Variants in SERINC3 observed in about 807,000 individuals in gnomAD.
SERINC3 encodes serine incorporator 3, also known as tumor differentially expressed protein 1.
A neutral mutation model predicts 52.1 loss-of-function variants in SERINC3; 22 were observed. That is an observed-to-expected ratio of 0.42 (90% confidence interval 0.30 to 0.60). The LOEUF is 0.60. SERINC3 is among the 20% of genes least tolerant of loss of function. The pLI is 0.16. For synonymous variants in SERINC3, 226 were observed against 212.7 expected (o/e 1.06, Z -0.54); for missense variants, 564 against 584.6 (o/e 0.96, Z 0.36).
intron 7 of SERINC3, 106 bp from the exon 8 acceptor site, chr20:44,504,101 G>T: frequency 2.3e-6 from 2 of 888,450 alleles, no homozygotes; most frequent in Non-Finnish European, 1.7e-6. Context: ...TGAAACATGG[G>T]AATGCTTTAC....
rs2064256565 is a variant in SERINC3 at position 44,497,792 on chromosome 20, C to T, written c.*2504G>A. ...TAACTGAGCCTGTCCCCTCTGTGTT[C>T]CTCTGTCTAATTCTGTAACAAAATC... is the stretch of plus-strand genomic sequence containing the variant. On this transcript the variant is annotated 3_prime_UTR_variant, in exon 10 of 10. Transcript: ENST00000342374. The T allele has an allele frequency of 6.6e-6, 1 of 152,206 alleles. No homozygotes were observed. The highest frequency in any genetic ancestry group is 2.1e-4 in the South Asian group (1 of 4,834). 9.4% of individuals were successfully genotyped at this position (152,206 alleles called of 1,614,324 possible).
intron 6 of SERINC3, among the ~76,000 whole-genome samples, 195 bp from the exon 7 acceptor site, chr20:44,505,086 A>G (rs905884036): frequency 2.6e-5 from 4 of 152,214 alleles, no homozygotes; most frequent in Non-Finnish European, 4.4e-5. Context: ...AGCAAGTACT[A>G]CTGGTTCTCA....
At position 44,510,070 on chromosome 20, in the gene SERINC3, T is replaced by C. The variant is rs201200655; in HGVS notation, c.476-42A>G. 9.7e-5 allele frequency: 154 copies of C among 1,591,720 alleles called. No homozygotes were observed. In the African/African-American group the frequency reaches 1.9e-3, roughly 19 times the overall value. ...AACAAAGTTATTCTCTACCATAGAG[T>C]AACATTTCAGAAGATCCAACATTCT... On this transcript the variant is annotated intron_variant, in intron 4 of 9. Coordinates refer to ENST00000342374, the MANE Select transcript of SERINC3 (RefSeq NM_006811.4).
At chr20:44,512,417 T>TA (rs1402732365) in intron 3 of SERINC3, among the ~76,000 whole-genome samples, 1 of 151,130 alleles carries the variant, frequency 6.6e-6, no homozygotes, top group African/African-American at 2.4e-5. Context: ...CAGTAGCACA[T>TA]ATATATTCAC....
chr20:44,513,706 T>C (rs148413955), intron 2 of SERINC3, among the ~76,000 whole-genome samples, 173 bp downstream of exon 2: 21 of 152,288 alleles, frequency 1.4e-4, no homozygotes, highest in African/African-American at 5.1e-4. Context: ...TCATTCTGTA[T>C]TTCTGGAAAA....
At chr20:44,502,834 C>T (rs1340324754) in intron 8 of SERINC3, among the ~76,000 whole-genome samples, 3 of 151,972 alleles carry the variant, frequency 2.0e-5, no homozygotes, top group Non-Finnish European at 2.9e-5. Flanking sequence ...TGGATGCAAG[C>T]GATCCTCCCA....
rs760064770 is a variant in SERINC3, at chr20:44,503,957, G to A, written c.913C>T (p.Arg305Cys). ...GGAGCCAGGGTTGGTGCAGTTATGC[G>A]TGTAATAAAGCTCATCAGGTTGGGA... ...CNPNLMSFIT[R>C]ITAPTLAPGN... The change falls in exon 8 of 10, where the codon CGC (arginine) becomes TGC (cysteine). Residue 305 changes from arginine to cysteine, a missense_variant. Transcript: ENST00000342374. 9.4e-6 allele frequency: 15 copies of A among 1,599,548 alleles called. No individual in the cohort carries two copies. The highest frequency in any genetic ancestry group is 4.5e-5 in the East Asian group (2 of 44,190).
At position 44,504,827 on chromosome 20, in the gene SERINC3, G is replaced by T; in HGVS notation, c.848C>A (p.Thr283Asn). The T allele has an allele frequency of 6.2e-7, 1 of 1,612,140 alleles. No individual in the cohort carries two copies. Among genetic ancestry groups the T allele is most frequent in the Non-Finnish European group, 8.5e-7 (1 of 1,178,534 alleles). ...AGGTTCATTGGACATGGCTGACCAG[G>T]TGAGGTACATAGTGTAGAGGGTGAT... ...SLITLYTMYL[T>N]WSAMSNEPDR... Residue 283 changes from threonine (T) to asparagine (N), a missense_variant, in exon 7 of 10, where the codon ACC becomes AAC. Coordinates refer to ENST00000342374, the MANE Select transcript of SERINC3 (RefSeq NM_006811.4).
intron 4 of SERINC3, 78 bp from the exon 5 acceptor site, chr20:44,510,106 C>T (rs1388909745): frequency 7.2e-7 from 1 of 1,381,596 alleles, no homozygotes; most frequent in Admixed American, 1.8e-5. Context: ...GAACGGATTT[C>T]AATTAAAACA....
intron 8 of SERINC3, 131 bp downstream of exon 8, chr20:44,503,680 GAAGC>G (rs1224969539): frequency 3.0e-6 from 2 of 673,166 alleles, no homozygotes; most frequent in African/African-American, 1.9e-5. Context: ...CTCTGTAACT[GAAGC>G]AAGTAAAGAA....
At chr20:44,515,907 T>G (rs1293570786) in intron 1 of SERINC3, among the ~76,000 whole-genome samples, 1 of 151,914 alleles carries the variant, frequency 6.6e-6, no homozygotes, top group Non-Finnish European at 1.5e-5. Flanking sequence ...CCACCCACAC[T>G]GGCCACCGAA....
At chr20:44,514,472 G>A (rs556784242) in intron 1 of SERINC3, among the ~76,000 whole-genome samples, 1 of 152,210 alleles carries the variant, frequency 6.6e-6, no homozygotes, top group Non-Finnish European at 1.5e-5. Context: ...ACAACATAAA[G>A]CAACATGCCG....
At chr20:44,521,573 T>A (rs1401314212) in intron 1 of SERINC3, among the ~76,000 whole-genome samples, 3 of 152,156 alleles carry the variant, frequency 2.0e-5, no homozygotes, top group South Asian at 2.1e-4. Context: ...CCTTAAGAGG[T>A]GCTTCGGGAG....
chr20:44,506,945 C>T lies in SERINC3; in HGVS notation c.665G>A (p.Gly222Glu). Residue 222 changes from glycine (G) to glutamate (E), a missense_variant, in exon 6 of 10, where the codon GGG (glycine) becomes GAG (glutamate). Transcript: ENST00000342374. ...AFYILSIICV[G>E]LLYTYYTKPD... ...TTTGGTGTAATATGTATAGAGCAGC[C>T]CGACACAGATGATTGACAGGATATA... is the stretch of plus-strand genomic sequence containing the variant. 6 of 1,608,692 alleles carry T rather than the reference C, an allele frequency of 3.7e-6. No individual in the cohort carries two copies. Among genetic ancestry groups the T allele is most frequent in the Non-Finnish European group, 4.2e-6 (5 of 1,178,116 alleles).
At chr20:44,504,099 G>T in intron 7 of SERINC3, 104 bp from the exon 8 acceptor site, 1 of 908,968 alleles carries the variant, frequency 1.1e-6, no homozygotes, top group Non-Finnish European at 1.6e-6. Flanking sequence ...TGTGAAACAT[G>T]GGAATGCTTT....
At chr20:44,496,432 TA>T (rs1162601081), downstream of SERINC3, 1 of 152,346 alleles carries the variant, frequency 6.6e-6, no homozygotes. Flanking sequence ...AGCATAAGCC[TA>T]CTATCTGTTA....
intron 1 of SERINC3, among the ~76,000 whole-genome samples, chr20:44,519,903 T>A (rs893998158): frequency 2.0e-5 from 3 of 152,168 alleles, no homozygotes; most frequent in African/African-American, 7.2e-5. Context: ...CTAAAATCCT[T>A]GGAATAACCA....
chr20:44,497,114 C>T (rs961581883), downstream of SERINC3, among the ~76,000 whole-genome samples: 9 of 152,184 alleles, frequency 5.9e-5, no homozygotes, highest in Non-Finnish European at 1.2e-4. Context: ...GGCCCCAACC[C>T]GCATTCCCCA....
chr20:44,518,515 C>G (rs1022438253), intron 1 of SERINC3, among the ~76,000 whole-genome samples: 16 of 152,112 alleles, frequency 1.1e-4, no homozygotes, highest in Non-Finnish European at 2.9e-5. Context: ...GTTTTAAGAT[C>G]ATGAAGAAGC....
Sources: gnomAD v4.1 joint callset for allele counts (sites outside exome capture counted in the v4.1 genomes callset) on GRCh38, gnomAD v4.1.1 for gene constraint, MANE v1.5 for transcripts, NCBI Gene and HGNC (gene_info 2026-07-23, HGNC 2026-07-21) for gene names.